DZIP1: variants seen among roughly 807,000 people sequenced by gnomAD.
The protein encoded by DZIP1 is DAZ interacting zinc finger protein 1.
A neutral mutation model predicts 107.6 loss-of-function variants in DZIP1; 97 were observed. The observed-to-expected ratio is 0.90, with a 90% confidence interval of 0.77 to 1.07. The LOEUF (loss-of-function observed/expected upper bound fraction) is 1.07. Among genes scored for constraint, DZIP1 ranks in the 50% least tolerant of loss-of-function variants. DZIP1 has a pLI of 0.00. For synonymous variants in DZIP1, 390 were observed against 386.4 expected, an observed-to-expected ratio of 1.01 and a Z score of -0.11; for missense variants, 1,035 against 1,063.6, an observed-to-expected ratio of 0.97 and a Z score of 0.37.
chr13:95,630,751 T>A, intron 6 of DZIP1: 1 of 1,284,524 alleles, frequency 7.8e-7, no homozygotes, highest in Non-Finnish European at 1.0e-6. Flanking sequence ...TGTACATGTG[T>A]CTGTGAGTGT....
At position 95,641,759 on chromosome 13, in the gene DZIP1, A is replaced by T; in HGVS notation, c.133T>A (p.Cys45Ser). 1 of 1,563,170 alleles carries T rather than the reference A, an allele frequency of 6.4e-7. No individual in the cohort carries two copies. The highest frequency in any genetic ancestry group is 1.2e-5 in the South Asian group (1 of 84,988). Residue 45 changes from cysteine (C) to serine (S), a missense_variant, in exon 5 of 23, where the codon TGT (cysteine) becomes AGT (serine). Physicochemically the swap from Cys to Ser is moderately radical, Grantham distance 112. Coordinates refer to ENST00000376829, the MANE Select transcript of DZIP1 (RefSeq NM_198968.4). This position sits in a 1 kb window ranked among gnomAD's most constrained non-coding sequence, Gnocchi z 4.3. ...CCCGAAGCCGCGCTGGGGGGCGCAC[A>T]GGCCATGGAGGCCGCACCCGCGGCG... ...AAAAGAASMACAPPSAASGPL... is the reference protein window; with the variant it reads ...AAAAGAASMASAPPSAASGPL...
At position 95,644,387 on chromosome 13, in the gene DZIP1, C is replaced by G. The variant is rs1878879726; in HGVS notation, c.-536G>C. On this transcript the variant is annotated 5_prime_UTR_variant, in exon 1 of 23. Coordinates refer to ENST00000376829, the MANE Select transcript of DZIP1 (RefSeq NM_198968.4). ...CCGGTCTCGGCTCACCCCAGCTGCG[C>G]GCTCCTGGGCGGGTGCCGGGCGCTG... The G allele has an allele frequency of 6.6e-6, 1 of 152,442 alleles. No homozygotes were observed. Among genetic ancestry groups the G allele is most frequent in the Non-Finnish European group, 1.5e-5 (1 of 68,244 alleles). The allele number at this position is 152,442 out of a possible 1,614,324, so 9.4% of individuals were successfully genotyped here.
rs754058464 is a variant in DZIP1, at chr13:95,587,526, G to C, written c.2218+13C>G. The C allele has an allele frequency of 6.2e-7, 1 of 1,612,900 alleles. No homozygotes were observed. The highest frequency in any genetic ancestry group is 8.5e-7 in the Non-Finnish European group (1 of 1,179,134). Reference sequence around the variant, plus strand: ...ATACAGTTTCCAGAGAGTTTTCCAAGGTAACAGCTCACCTGCGGGCTTGGG... The same window carrying C: ...ATACAGTTTCCAGAGAGTTTTCCAACGTAACAGCTCACCTGCGGGCTTGGG... On this transcript the variant is annotated intron_variant, in intron 20 of 22. Coordinates refer to ENST00000376829, the MANE Select transcript of DZIP1 (RefSeq NM_198968.4).
At chr13:95,613,255 G>A (rs1352994233) in intron 10 of DZIP1, among the ~76,000 whole-genome samples, 1 of 152,230 alleles carries the variant, frequency 6.6e-6, no homozygotes. Flanking sequence ...GCTCGTGCAT[G>A]TAATCCCAGC....
In DZIP1 at chr13:95,580,066, T is replaced by C. The variant is rs1449471535; in HGVS notation, c.*2168A>G. ...AAAAATGAAATGCAGCAGGGCGCGA[T>C]GGCTCACGCCTATAATCCCAGCACT... is the stretch of plus-strand genomic sequence containing the variant. On this transcript the variant is annotated 3_prime_UTR_variant, in exon 23 of 23. Transcript: ENST00000376829. 2.0e-5 allele frequency: 3 copies of C among 152,224 alleles called. No individual in the cohort carries two copies. Among genetic ancestry groups the C allele is most frequent in the African/African-American group, 7.2e-5 (3 of 41,446 alleles). The allele number at this position is 152,224 out of a possible 1,614,324, so 9.4% of individuals were successfully genotyped here.
chr13:95,604,745 G>A (rs886685634), intron 14 of DZIP1, among the ~76,000 whole-genome samples: 1 of 152,124 alleles, frequency 6.6e-6, no homozygotes, highest in South Asian at 2.1e-4. Flanking sequence ...AAAGTGGAGG[G>A]GTGGGGAAGT....
At chr13:95,602,524 GT>G in intron 14 of DZIP1, among the ~76,000 whole-genome samples, 1 of 152,202 alleles carries the variant, frequency 6.6e-6, no homozygotes, top group Admixed American at 6.5e-5. Context: ...TCATGCAGGA[GT>G]GGTCCACAGT....
chr13:95,589,080 G>A (rs751751848), intron 19 of DZIP1, 74 bp downstream of exon 19: 13 of 1,210,926 alleles, frequency 1.1e-5, no homozygotes, highest in East Asian at 4.7e-5. Context: ...TAATGAGCAC[G>A]CTACTTTAAA....
chr13:95,603,995 G>A (rs1292919612), intron 14 of DZIP1, among the ~76,000 whole-genome samples: 2 of 152,182 alleles, frequency 1.3e-5, no homozygotes, highest in African/African-American at 4.8e-5. Context: ...CAGTGCAAGG[G>A]GCAATGGCCC....
intron 21 of DZIP1, 103 bp from the exon 22 acceptor site, chr13:95,585,013 AAAG>A: frequency 4.6e-6 from 4 of 862,810 alleles, no homozygotes; most frequent in Non-Finnish European, 6.9e-6. Flanking sequence ...AACCATAAGG[AAAG>A]AAGTGGGGAA....
At chr13:95,622,834 C>A (rs1876061970) in intron 8 of DZIP1, among the ~76,000 whole-genome samples, 1 of 151,906 alleles carries the variant, frequency 6.6e-6, no homozygotes, top group Non-Finnish European at 1.5e-5. Context: ...CCTCAACCCC[C>A]TGGGTTCAAG....
Position 95,604,095 on chromosome 13 carries a change from G to A in DZIP1, c.1477+1908C>T, listed in dbSNP as rs932079406. On this transcript the variant is annotated intron_variant, in intron 14 of 22. Coordinates refer to ENST00000376829, the MANE Select transcript of DZIP1 (RefSeq NM_198968.4). ...TGGCTGAGGCCTCCACTGTGGCTGC[G>A]TCTAGGTTCAACGTTCCCTTCGCCC... is the stretch of plus-strand genomic sequence containing the variant. 3.9e-5 allele frequency among the ~76,000 whole-genome samples: 6 copies of A among 152,184 alleles called. 1 individual carries two copies. Among genetic ancestry groups the A allele is most frequent in the South Asian group, 4.1e-4 (2 of 4,828 alleles).
At position 95,641,246 on chromosome 13, in the gene DZIP1, A is replaced by T. The variant is rs923396169; in HGVS notation, c.597+49T>A. On this transcript the variant is annotated intron_variant, in intron 5 of 22. Coordinates refer to ENST00000376829, the MANE Select transcript of DZIP1 (RefSeq NM_198968.4). The surrounding 1 kb of genome is among the most constrained non-coding windows in gnomAD (Gnocchi z 4.3). Reference sequence around the variant, plus strand: ...TACGGGACAGGCCTATCAAATGGGAACTGAGTTGTTTACTGGATTATGAAT... The same window carrying T: ...TACGGGACAGGCCTATCAAATGGGATCTGAGTTGTTTACTGGATTATGAAT... 3 of 1,525,194 alleles carry T rather than the reference A, an allele frequency of 2.0e-6. No individual in the cohort carries two copies. The highest frequency in any genetic ancestry group is 2.6e-6 in the Non-Finnish European group (3 of 1,133,790). 94.5% of individuals were successfully genotyped at this position (1,525,194 alleles called of 1,614,324 possible). A position where few individuals can be genotyped will look rare whatever the true frequency, so the allele number is the denominator to read the frequency against.
rs1878470123 is a variant in DZIP1, at chr13:95,641,390, C to G, written c.502G>C (p.Gly168Arg). The change falls in exon 5 of 23, where the codon GGG (glycine) becomes CGG (arginine). Residue 168 changes from glycine (G) to arginine (R), a missense_variant. Transcript: ENST00000376829. This position sits in a 1 kb window ranked among gnomAD's most constrained non-coding sequence, Gnocchi z 4.3. ...TCTTCCTTGAGCGTCTTGATCTCCC[C>G]CGCCTGCTTGGTGAGCAGCTTCTTG... The part of the protein sequence containing the change: ...QSKKLLTKQA[G>R]EIKTLKEECK... 1 of 1,614,134 alleles carries G rather than the reference C, an allele frequency of 6.2e-7. No individual in the cohort carries two copies.
intron 15 of DZIP1, among the ~76,000 whole-genome samples, chr13:95,597,659 G>A (rs529981294): frequency 2.0e-5 from 3 of 152,332 alleles, no homozygotes; most frequent in African/African-American, 7.2e-5. Context: ...TGCTTCCATA[G>A]CCAGTGATGG....
In DZIP1 at chr13:95,581,395, A is replaced by C. The variant is rs1442005652; in HGVS notation, c.*839T>G. On this transcript the variant is annotated 3_prime_UTR_variant, in exon 23 of 23. Coordinates refer to ENST00000376829, the MANE Select transcript of DZIP1 (RefSeq NM_198968.4). ...GTAATGGCTCAAATATTTTCTATTT[A>C]GTCTGATAAATTAATTGGCACTTAA... is the stretch of plus-strand genomic sequence containing the variant. 1 of 152,642 alleles carries C rather than the reference A, an allele frequency of 6.6e-6. No homozygotes were observed. Among genetic ancestry groups the C allele is most frequent in the Non-Finnish European group, 1.5e-5 (1 of 68,044 alleles). 9.5% of individuals were successfully genotyped at this position (152,642 alleles called of 1,614,324 possible).
chr13:95,642,261 C>T lies in DZIP1; in HGVS notation c.-212-20G>A, dbSNP rs1417621079. ...AGAACCCTGCGGGACCAGAGAAGAC[C>T]TCTTGGACGAGCCCGAGTGGACACA... is the stretch of plus-strand genomic sequence containing the variant. On this transcript the variant is annotated intron_variant, in intron 3 of 22. Transcript: ENST00000376829. 4 of 493,846 alleles carry T rather than the reference C, an allele frequency of 8.1e-6. No homozygotes were observed. The highest frequency in any genetic ancestry group is 4.1e-5 in the African/African-American group (2 of 49,134). The allele number at this position is 493,846 out of a possible 1,614,324, so 30.6% of individuals were successfully genotyped here. A position where few individuals can be genotyped will look rare whatever the true frequency, so the allele number is the denominator to read the frequency against.
intron 10 of DZIP1, 140 bp downstream of exon 10, chr13:95,619,745 A>C: frequency 1.4e-6 from 1 of 740,158 alleles, no homozygotes; most frequent in Admixed American, 2.7e-5. Flanking sequence ...TTTTGGTGTT[A>C]GAATTATAGG....
At chr13:95,587,901 C>A in intron 19 of DZIP1, 172 bp from the exon 20 acceptor site, 1 of 711,128 alleles carries the variant, frequency 1.4e-6, no homozygotes, top group Non-Finnish European at 2.2e-6. Flanking sequence ...GTTATACCCA[C>A]GGCTGTAGCA....
Sources: allele counts gnomAD v4.1 joint callset (sites outside exome capture counted in the v4.1 genomes callset), GRCh38; gene constraint gnomAD v4.1.1; non-coding constraint Gnocchi (gnomAD v3.1); transcripts MANE v1.5; gene names NCBI Gene and HGNC (gene_info 2026-07-23, HGNC 2026-07-21).